ZYG11A: variants seen among roughly 807,000 people sequenced by gnomAD.
The protein encoded by ZYG11A is zyg-11 family member A, cell cycle regulator, also known as protein zyg-11 homolog A.
In ZYG11A, 62 loss-of-function variants were observed where a neutral mutation model predicts 77.2. That is an observed-to-expected ratio of 0.80 (90% CI 0.65 to 0.99). The LOEUF (loss-of-function observed/expected upper bound fraction) is 0.99. Ranked by LOEUF, ZYG11A falls within the 50% of genes least tolerant of loss-of-function variation. The pLI is 0.00. For missense variants in ZYG11A, 828 were observed against 896.8 expected (o/e 0.92, Z 0.98); for synonymous variants, 315 against 324.6 (o/e 0.97, Z 0.32).
chr1:52,860,445 C>T (rs1032384608), intron 3 of ZYG11A, among the ~76,000 whole-genome samples: 9 of 151,934 alleles, frequency 5.9e-5, no homozygotes, highest in Non-Finnish European at 1.2e-4. Context: ...CTACAGGCGC[C>T]TGCCACCACG....
Position 52,881,354 on chromosome 1 carries a change from A to G in ZYG11A, c.1750-117A>G, listed in dbSNP as rs917548855. On this transcript the variant is annotated intron_variant, in intron 10 of 13. Coordinates refer to ENST00000371528, the MANE Select transcript of ZYG11A (RefSeq NM_001004339.3). ...AGGCTAGCTTGAGGCGGAGGCGGGT[A>G]TAAGAATAAGAGTTCTGAATTTATC... The G allele has an allele frequency of 6.1e-5, 41 of 673,566 alleles. No homozygotes were observed. In the Middle Eastern group the frequency reaches 1.7e-3, roughly 28 times the overall value. The allele number at this position is 673,566 out of a possible 1,614,324, so 41.7% of individuals were successfully genotyped here. A position where few individuals can be genotyped will look rare whatever the true frequency, so the allele number is the denominator to read the frequency against.
intron 8 of ZYG11A, among the ~76,000 whole-genome samples, chr1:52,874,228 GCT>G (rs140571966): frequency 0.08 from 8,994 of 112,788 alleles, 462 homozygotes; most frequent in African/African-American, 0.17. Context: ...GCGTTTTTTA[GCT>G]CTCTCTCTCT....
intron 8 of ZYG11A, among the ~76,000 whole-genome samples, chr1:52,871,873 A>G (rs189242052): frequency 6.6e-6 from 1 of 152,216 alleles, no homozygotes; most frequent in African/African-American, 2.4e-5. Context: ...ACGTCCTGTA[A>G]TTTCCCCTAT....
chr1:52,853,634 G>C (rs1645755033), intron 1 of ZYG11A, among the ~76,000 whole-genome samples: 1 of 152,184 alleles, frequency 6.6e-6, no homozygotes, highest in African/African-American at 2.4e-5. Context: ...ATTGGGGCCG[G>C]GTGTGGTGGC....
chr1:52,880,073 T>TTC, intron 10 of ZYG11A, among the ~76,000 whole-genome samples: 1 of 149,274 alleles, frequency 6.7e-6, no homozygotes, highest in African/African-American at 2.5e-5. Context: ...CCACTTTTTT[T>TTC]TTTTTTTTTT....
rs1645846062 is a variant in ZYG11A at position 52,857,876 on chromosome 1, T to G, written c.1008+127T>G. On this transcript the variant is annotated intron_variant, in intron 3 of 13. Transcript: ENST00000371528. The stretch of plus-strand genomic sequence containing the variant: ...GATAAAAAAATCCTTAAAGAGCTTT[T>G]TTAATAATTAATGATTATTATGTAC... The G allele has an allele frequency of 4.3e-6, 3 of 705,376 alleles. No individual in the cohort carries two copies. In the East Asian group the frequency reaches 8.7e-5, roughly 20 times the overall value. 43.7% of individuals were successfully genotyped at this position (705,376 alleles called of 1,614,324 possible).
At chr1:52,872,661 A>C (rs1301518943) in intron 8 of ZYG11A, among the ~76,000 whole-genome samples, 2 of 150,972 alleles carry the variant, frequency 1.3e-5, no homozygotes, top group East Asian at 3.9e-4. Context: ...CAGGCAGATC[A>C]TTTGCGGTCA....
rs370943015 is a variant in ZYG11A at position 52,875,699 on chromosome 1, A to G, written c.1543-1983A>G. Among the ~76,000 whole-genome samples the G allele has an allele frequency of 2.1e-3, 283 of 134,212 alleles. 1 individual carries two copies. The highest frequency in any genetic ancestry group is 9.6e-3 in the Middle Eastern group (2 of 208). 88.0% of individuals were successfully genotyped at this position (134,212 alleles called of 152,430 possible). ...GAAGATTCAAGTTTGAGGTGATTCA[A>G]TTTTGGTGCTGAATCTCTGTATGTG... On this transcript the variant is annotated intron_variant, in intron 8 of 13. Transcript: ENST00000371528.
At chr1:52,851,860 G>C in intron 1 of ZYG11A, among the ~76,000 whole-genome samples, 1 of 151,050 alleles carries the variant, frequency 6.6e-6, no homozygotes, top group East Asian at 1.9e-4. Context: ...TGATTCTGCT[G>C]CCTCAGCCTC....
chr1:52,882,805 C>T (rs1478125511), intron 11 of ZYG11A, among the ~76,000 whole-genome samples: 1 of 152,198 alleles, frequency 6.6e-6, no homozygotes, highest in Non-Finnish European at 1.5e-5. Context: ...TCAGAAATCA[C>T]AATGGCTTAC....
At chr1:52,846,361 TATA>T (rs1645584406) in intron 1 of ZYG11A, among the ~76,000 whole-genome samples, 1 of 106,108 alleles carries the variant, frequency 9.4e-6, no homozygotes, top group Non-Finnish European at 1.8e-5. Flanking sequence ...TATATATATA[TATA>T]TATTTTGAAA....
intron 8 of ZYG11A, among the ~76,000 whole-genome samples, chr1:52,868,755 C>G (rs1221863408): frequency 6.6e-6 from 1 of 152,118 alleles, no homozygotes; most frequent in Non-Finnish European, 1.5e-5. Context: ...CAGGTGCACT[C>G]CAGCCTGGTG....
chr1:52,876,399 G>T (rs879817195), intron 8 of ZYG11A, among the ~76,000 whole-genome samples: 5 of 152,120 alleles, frequency 3.3e-5, no homozygotes, highest in African/African-American at 4.8e-5. Context: ...GCTGGGAGGG[G>T]TAACAGGACT....
chr1:52,846,310 T>TTTATTTATATATA (rs1645577922), intron 1 of ZYG11A, among the ~76,000 whole-genome samples: 2 of 35,822 alleles, frequency 5.6e-5, no homozygotes, highest in African/African-American at 1.7e-4. Context: ...TTTTAAATTT[T>TTTATTTATATATA]TATATATATA....
intron 8 of ZYG11A, among the ~76,000 whole-genome samples, chr1:52,869,670 C>T (rs925287995): frequency 6.6e-6 from 1 of 151,968 alleles, no homozygotes; most frequent in Non-Finnish European, 1.5e-5. Context: ...AGCAACCATC[C>T]GATTTCTCAA....
intron 13 of ZYG11A, among the ~76,000 whole-genome samples, chr1:52,890,771 T>A (rs1646531817): frequency 6.6e-6 from 1 of 151,936 alleles, no homozygotes; most frequent in African/African-American, 2.4e-5. Flanking sequence ...CTAATTTTTT[T>A]ATTTTTTGTA....
Position 52,860,793 on chromosome 1 carries a change from A to G in ZYG11A, c.1071A>G (p.Ser357=), listed in dbSNP as rs779277011. The change falls in exon 4 of 14, where the codon TCA becomes TCG. Residue 357 remains serine, a synonymous_variant. Coordinates refer to ENST00000371528, the MANE Select transcript of ZYG11A (RefSeq NM_001004339.3). ...CACTGAGCCGATACAGGAACAGATC[A>G]TGTTTTGTGAAGGAAGCCCTCCACA... ...SEALSRYRNR[S]CFVKEALHRL... is the part of the protein sequence containing the mutation. 18 of 1,551,618 alleles carry G rather than the reference A, an allele frequency of 1.2e-5. No individual in the cohort carries two copies. The South Asian group carries it at 2.1e-4, about 18-fold the overall frequency.
intron 8 of ZYG11A, among the ~76,000 whole-genome samples, chr1:52,868,056 T>C (rs142710334): frequency 0.034 from 2,726 of 80,716 alleles, 84 homozygotes; most frequent in African/African-American, 0.15. Context: ...AACCTCCGCC[T>C]CCTGGGTTCA....
rs1225128323 is a variant in ZYG11A, at chr1:52,892,766, C to T, written c.2105-16C>T. On this transcript the variant is annotated splice_polypyrimidine_tract_variant and intron_variant, in intron 13 of 13. Coordinates refer to ENST00000371528, the MANE Select transcript of ZYG11A (RefSeq NM_001004339.3). ...GCCAGTTGTCCATGGAGTGTCTCTG[C>T]TTGATTTTCTTTCAGCCAGCAAATA... The T allele has an allele frequency of 6.4e-7, 1 of 1,550,694 alleles. No individual in the cohort carries two copies. Among genetic ancestry groups the T allele is most frequent in the South Asian group, 1.2e-5 (1 of 83,980 alleles).
Sources: gnomAD v4.1 joint callset for allele counts (sites outside exome capture counted in the v4.1 genomes callset) on GRCh38, gnomAD v4.1.1 for gene constraint, MANE v1.5 for transcripts, NCBI Gene and HGNC (gene_info 2026-07-23, HGNC 2026-07-21) for gene names.